TJP1: variants seen among roughly 807,000 people sequenced by gnomAD.
TJP1 encodes the protein tight junction protein ZO-1.
TJP1 carries 43 observed loss-of-function variants against 194.2 expected under a neutral mutation model. That is an observed-to-expected ratio of 0.22 (90% confidence interval 0.17 to 0.29). The LOEUF (loss-of-function observed/expected upper bound fraction) is 0.29, where lower values mean the gene tolerates loss of function less well. TJP1 is among the 10% of genes least tolerant of loss of function. The pLI, the probability that TJP1 is intolerant of heterozygous loss-of-function variation, is 1.00. For missense variants in TJP1, 1,971 were observed against 2,185.7 expected (o/e 0.90, Z 1.96); for synonymous variants, 801 against 779.0 (o/e 1.03, Z -0.47).
chr15:29,856,790 G>A (rs977900760), intron 2 of TJP1, among the ~76,000 whole-genome samples: 4 of 151,786 alleles, frequency 2.6e-5, no homozygotes, highest in East Asian at 1.9e-4. Flanking sequence ...TGGCTAACAC[G>A]GTGAAACCCC....
intron 1 of TJP1, among the ~76,000 whole-genome samples, chr15:29,811,108 G>A (rs1188108248): frequency 1.3e-5 from 2 of 152,084 alleles, no homozygotes; most frequent in African/African-American, 2.4e-5. Context: ...ACCAAAAAGA[G>A]GAAAGCACAG....
chr15:29,779,191 T>G (rs1486904152), intron 2 of TJP1, among the ~76,000 whole-genome samples: 1 of 152,120 alleles, frequency 6.6e-6, no homozygotes, highest in Non-Finnish European at 1.5e-5. Flanking sequence ...CCACCGAACC[T>G]TCAACTGGGC....
chr15:29,735,756 A>G (rs1394816423), intron 11 of TJP1, among the ~76,000 whole-genome samples: 3 of 152,184 alleles, frequency 2.0e-5, no homozygotes, highest in African/African-American at 7.2e-5. Context: ...TTGATTGACA[A>G]CAATGTAAAC....
rs1341170404 is a variant in TJP1 at position 29,718,747 on chromosome 15, A to G, written c.3395T>C (p.Phe1132Ser). The G allele has an allele frequency of 3.7e-6, 6 of 1,614,154 alleles. No individual in the cohort carries two copies. Among genetic ancestry groups the G allele is most frequent in the Non-Finnish European group, 5.1e-6 (6 of 1,180,034 alleles). Reference protein sequence around the residue: ...ESSERGYFPRFEEPAPLSYDS... With the variant: ...ESSERGYFPRSEEPAPLSYDS... The stretch of plus-strand genomic sequence containing the variant: ...GTAAGACAGAGGGGCTGGCTCTTCA[A>G]AACGTGGAAAGTACCCTCGTTCTGA... The change falls in exon 21 of 28, where the codon TTT becomes TCT. Residue 1132 changes from phenylalanine to serine, a missense_variant. Phe to Ser is a radical substitution (Grantham distance 155). Coordinates refer to ENST00000614355, the MANE Select transcript of TJP1 (RefSeq NM_001330239.4).
chr15:29,701,441 G>T lies in TJP1; in HGVS notation c.*154C>A. ...GCATGTTTTCCGACCATGGTTCAGG[G>T]GCATGCTCACTCATCTTTATCAGTT... On this transcript the variant is annotated 3_prime_UTR_variant, in exon 28 of 28. Transcript: ENST00000614355. 1 of 598,710 alleles carries T rather than the reference G, an allele frequency of 1.7e-6. No individual in the cohort carries two copies. The highest frequency in any genetic ancestry group is 2.9e-6 in the Non-Finnish European group (1 of 341,458). 37.1% of individuals were successfully genotyped at this position (598,710 alleles called of 1,614,324 possible). A position where few individuals can be genotyped will look rare whatever the true frequency, so the allele number is the denominator to read the frequency against.
Position 29,708,962 on chromosome 15 carries a change from C to A in TJP1, c.4447G>T (p.Ala1483Ser). Residue 1483 changes from alanine (A) to serine (S), a missense_variant, in exon 25 of 28, where the codon GCA becomes TCA. Transcript: ENST00000614355. ...PDPPPSQNKP[A>S]TFRPPNREDT... is the part of the protein sequence containing the mutation. ...TCTCGGTTTGGTGGTCTGAAAGTTG[C>A]TGGCTTATTCTGAGATGGAGGTGGG... 1 of 1,614,164 alleles carries A rather than the reference C, an allele frequency of 6.2e-7. No individual in the cohort carries two copies. The highest frequency in any genetic ancestry group is 8.5e-7 in the Non-Finnish European group (1 of 1,180,034).
chr15:29,916,367 C>T (rs1007744988), intron 2 of TJP1, among the ~76,000 whole-genome samples: 2 of 151,726 alleles, frequency 1.3e-5, no homozygotes, highest in African/African-American at 2.4e-5. Flanking sequence ...TCTGGGTTGG[C>T]ACTTGATCTT....
In TJP1 at chr15:29,705,557, C is replaced by CT; in HGVS notation, c.5038dup (p.Ser1680LysfsTer8). 6.2e-7 allele frequency: 1 copy of CT among 1,614,226 alleles called. No individual in the cohort carries two copies. The highest frequency in any genetic ancestry group is 1.7e-5 in the Admixed American group (1 of 60,022). On this transcript the variant is annotated frameshift_variant, in exon 26 of 28. Coordinates refer to ENST00000614355, the MANE Select transcript of TJP1 (RefSeq NM_001330239.4). LOFTEE classifies it high-confidence loss of function. ...CTCTTTATCTAAAGGTGGAAGGATG[C>CT]TGTTGTCCCGGCAGACCTTGAAATA...
intron 2 of TJP1, among the ~76,000 whole-genome samples, chr15:29,909,809 T>TTAGA (rs1387806384): frequency 6.6e-6 from 1 of 152,108 alleles, no homozygotes; most frequent in Non-Finnish European, 1.5e-5. Flanking sequence ...AGTCTGCAGA[T>TTAGA]TAGAACCTGG....
chr15:29,969,025 C>A (rs2056429940), upstream of TJP1, among the ~76,000 whole-genome samples: 1 of 146,660 alleles, frequency 6.8e-6, no homozygotes, highest in Non-Finnish European at 1.5e-5. Context: ...GCCCCTTCCA[C>A]CCCTGCAGGC....
chr15:29,833,879 ATATTTTTT>A (rs1243370091), intron 2 of TJP1, among the ~76,000 whole-genome samples: 233 of 13,766 alleles, frequency 0.017, 5 homozygotes, highest in African/African-American at 0.055. Context: ...ATATATATAT[ATATTTTTT>A]TTTTTTTTTT....
At chr15:29,896,880 T>C (rs2053494208) in intron 2 of TJP1, among the ~76,000 whole-genome samples, 1 of 152,152 alleles carries the variant, frequency 6.6e-6, no homozygotes, top group Admixed American at 6.5e-5. Context: ...CAGCAAAGCA[T>C]TCAAGAAGTG....
At chr15:29,819,351 T>C (rs1223497281) in intron 1 of TJP1, among the ~76,000 whole-genome samples, 1 of 120,802 alleles carries the variant, frequency 8.3e-6, no homozygotes, top group Non-Finnish European at 1.9e-5. Context: ...CTAAATGAAC[T>C]TAAAAGTTAT....
intron 23 of TJP1, among the ~76,000 whole-genome samples, chr15:29,713,811 TAA>T (rs1487701743): frequency 6.6e-6 from 1 of 152,192 alleles, no homozygotes; most frequent in Non-Finnish European, 1.5e-5. Flanking sequence ...AGCACAATTA[TAA>T]AGAGTTTCAA....
chr15:29,761,804 A>G (rs769023903), intron 6 of TJP1, 35 bp from the exon 7 acceptor site: 8 of 1,483,976 alleles, frequency 5.4e-6, no homozygotes, highest in African/African-American at 2.8e-5. Context: ...TTGAAAGTAA[A>G]TAATAAAATA....
At chr15:29,876,467 G>C (rs1294399298) in intron 2 of TJP1, among the ~76,000 whole-genome samples, 1 of 151,780 alleles carries the variant, frequency 6.6e-6, no homozygotes, top group African/African-American at 2.4e-5. Context: ...GTTGCAGTGA[G>C]CCAAGCTCGT....
chr15:29,842,152 T>C (rs954452812), intron 2 of TJP1, among the ~76,000 whole-genome samples: 1 of 152,156 alleles, frequency 6.6e-6, no homozygotes. Flanking sequence ...AAACGACGTA[T>C]AACAAAAGCA....
At chr15:29,939,710 G>A (rs2055002011) in intron 2 of TJP1, among the ~76,000 whole-genome samples, 1 of 152,190 alleles carries the variant, frequency 6.6e-6, no homozygotes, top group Non-Finnish European at 1.5e-5. Context: ...CCTTTGGGAG[G>A]TGATTAGGTG....
At chr15:29,957,353 A>G (rs1795325770) in intron 1 of TJP1, among the ~76,000 whole-genome samples, 1 of 152,220 alleles carries the variant, frequency 6.6e-6, no homozygotes, top group Non-Finnish European at 1.5e-5. Context: ...AAAAGATATA[A>G]AAATGGAAAG....
Sources: gnomAD v4.1 joint callset for allele counts (sites outside exome capture counted in the v4.1 genomes callset) on GRCh38, gnomAD v4.1.1 for gene constraint, MANE v1.5 for transcripts, NCBI Gene and HGNC (gene_info 2026-07-23, HGNC 2026-07-21) for gene names.